MGMT: variants seen among roughly 807,000 people sequenced by gnomAD.
MGMT encodes the protein methylated-DNA--protein-cysteine methyltransferase.
In MGMT, 14 loss-of-function variants were observed where a neutral mutation model predicts 15.9. The ratio of observed to expected loss-of-function variants is 0.88; its 90% CI spans 0.58 to 1.37. The LOEUF is 1.37. MGMT is among the 40% of genes most tolerant of loss of function. The probability of loss-of-function intolerance (pLI) is 0.00; values close to 1 mark genes in which losing one functional copy is unlikely to be tolerated. For synonymous variants in MGMT, 130 were observed against 118.2 expected (o/e 1.10, Z -0.65); for missense variants, 282 against 268.1 (o/e 1.05, Z -0.36).
chr10:129,523,512 G>A (rs981728365), intron 1 of MGMT, among the ~76,000 whole-genome samples: 1 of 152,220 alleles, frequency 6.6e-6, no homozygotes, highest in Non-Finnish European at 1.5e-5. Flanking sequence ...TCAGCTTGAA[G>A]AGATTCATAG....
intron 1 of MGMT, among the ~76,000 whole-genome samples, chr10:129,479,665 G>C (rs899620173): frequency 1.6e-4 from 24 of 152,112 alleles, no homozygotes; most frequent in Admixed American, 6.5e-5. Flanking sequence ...TTTCCTACGA[G>C]GGCAGACAAG....
intron 2 of MGMT, among the ~76,000 whole-genome samples, chr10:129,583,169 G>A (rs565881899): frequency 1.3e-5 from 2 of 152,298 alleles, no homozygotes; most frequent in African/African-American, 4.8e-5. Context: ...GGAAGCTTCT[G>A]TAAAACTGCC....
At chr10:129,706,542 T>C (rs1243624545) in intron 2 of MGMT, among the ~76,000 whole-genome samples, 1 of 151,980 alleles carries the variant, frequency 6.6e-6, no homozygotes, top group African/African-American at 2.4e-5. Flanking sequence ...AGCAGCACTG[T>C]CTGCAGAAGG....
chr10:129,678,796 G>C (rs1847814852), intron 2 of MGMT, among the ~76,000 whole-genome samples: 1 of 152,166 alleles, frequency 6.6e-6, no homozygotes, highest in African/African-American at 2.4e-5. Flanking sequence ...GAAGAGCCGG[G>C]CATGGTGGCT....
At chr10:129,545,516 G>A (rs1846089280) in intron 2 of MGMT, among the ~76,000 whole-genome samples, 1 of 152,182 alleles carries the variant, frequency 6.6e-6, no homozygotes, top group Non-Finnish European at 1.5e-5. Context: ...CTCCTTGGAC[G>A]GTGATGTGCT....
intron 1 of MGMT, among the ~76,000 whole-genome samples, chr10:129,474,002 C>T (rs1264145202): frequency 6.6e-6 from 1 of 152,172 alleles, no homozygotes; most frequent in Non-Finnish European, 1.5e-5. Flanking sequence ...GAAACATTTG[C>T]GGGACTGTGG....
intron 3 of MGMT, among the ~76,000 whole-genome samples, chr10:129,754,285 C>G (rs894391678): frequency 6.6e-6 from 1 of 152,198 alleles, no homozygotes; most frequent in Non-Finnish European, 1.5e-5. Flanking sequence ...GGACAGACAG[C>G]TGGGGCTTTT....
At chr10:129,648,631 G>C (rs7923750) in intron 2 of MGMT, among the ~76,000 whole-genome samples, 43,863 of 152,072 alleles carry the variant, frequency 0.29, 6,729 homozygotes, top group Non-Finnish European at 0.33. Flanking sequence ...AAATGATTCT[G>C]ACTTTGCCGC....
intron 2 of MGMT, among the ~76,000 whole-genome samples, chr10:129,606,873 G>T (rs978233239): frequency 6.6e-6 from 1 of 152,194 alleles, no homozygotes; most frequent in Admixed American, 6.5e-5. Flanking sequence ...TCTGTCTTGA[G>T]CATAATGTTT....
At chr10:129,587,925 G>A (rs1846636317) in intron 2 of MGMT, among the ~76,000 whole-genome samples, 1 of 152,026 alleles carries the variant, frequency 6.6e-6, no homozygotes, top group South Asian at 2.1e-4. Flanking sequence ...ATATGCAAAT[G>A]TTACCTGGCT....
intron 2 of MGMT, chr10:129,693,839 G>T (rs1847998488): frequency 6.6e-6 from 1 of 152,326 alleles, no homozygotes; most frequent in African/African-American, 2.4e-5. Context: ...AGAGGTGGAG[G>T]TTGCAGTGAG....
intron 2 of MGMT, among the ~76,000 whole-genome samples, chr10:129,669,506 ATTGC>A (rs1847697656): frequency 6.6e-6 from 1 of 152,178 alleles, no homozygotes; most frequent in Admixed American, 6.5e-5. Context: ...GAGCATTTGT[ATTGC>A]TTAGAAAGCA....
intron 2 of MGMT, among the ~76,000 whole-genome samples, chr10:129,671,490 G>C (rs1261744126): frequency 5.9e-5 from 9 of 151,562 alleles, no homozygotes; most frequent in Admixed American, 5.9e-4. Context: ...TTTATGTCTT[G>C]TCTGTGGCTG....
chr10:129,613,843 A>G (rs1291162008), intron 2 of MGMT, among the ~76,000 whole-genome samples: 1 of 152,168 alleles, frequency 6.6e-6, no homozygotes, highest in Admixed American at 6.5e-5. Context: ...CCCACCTGCA[A>G]CCTGGATGCC....
chr10:129,733,378 G>T (rs1299483188), intron 3 of MGMT, among the ~76,000 whole-genome samples: 1 of 152,036 alleles, frequency 6.6e-6, no homozygotes, highest in South Asian at 2.1e-4. Context: ...GTCTGTTCAT[G>T]TCCTTCGCCC....
rs1332573235 is a variant in MGMT at position 129,619,503 on chromosome 10, G to A, written c.125+83126G>A. ...AGGCTTTATTATCGGGGTAATGCTG[G>A]CTTCATAAAATGAACTGATGTATTC... On this transcript the variant is annotated intron_variant, in intron 2 of 4. Transcript: ENST00000651593. Among the ~76,000 whole-genome samples the A allele has an allele frequency of 2.0e-5, 3 of 152,018 alleles. No individual in the cohort carries two copies. In the East Asian group the frequency reaches 5.8e-4, roughly 29 times the overall value.
In MGMT at chr10:129,655,638, CT is replaced by C. The variant is rs370010640; in HGVS notation, c.126-52254del. Among the ~76,000 whole-genome samples the C allele has an allele frequency of 5.9e-5, 9 of 152,260 alleles. No individual in the cohort carries two copies. The East Asian group carries it at 1.7e-3, about 29-fold the overall frequency. On this transcript the variant is annotated intron_variant, in intron 2 of 4. Coordinates refer to ENST00000651593, the MANE Select transcript of MGMT (RefSeq NM_002412.5). The stretch of plus-strand genomic sequence containing the variant: ...CAAACAGGGATGAGTTTGTAAAACA[CT>C]TTGTAATCCCTTGAAAAGGAGAAAA...
At chr10:129,706,011 C>T (rs1345774665) in intron 2 of MGMT, among the ~76,000 whole-genome samples, 1 of 152,240 alleles carries the variant, frequency 6.6e-6, no homozygotes, top group African/African-American at 2.4e-5. Flanking sequence ...TTCCCTGCAC[C>T]ATTGCCATGT....
chr10:129,542,525 A>C (rs1263360496), intron 2 of MGMT, among the ~76,000 whole-genome samples: 4 of 152,236 alleles, frequency 2.6e-5, no homozygotes, highest in Non-Finnish European at 4.4e-5. Flanking sequence ...AGTAAAAATA[A>C]CATCCAAAAA....
Sources: gnomAD v4.1 joint callset for allele counts (sites outside exome capture counted in the v4.1 genomes callset) on GRCh38, gnomAD v4.1.1 for gene constraint, MANE v1.5 for transcripts, NCBI Gene and HGNC (gene_info 2026-07-23, HGNC 2026-07-21) for gene names.